Variants in GNRHR observed in about 807,000 individuals in gnomAD.
The protein encoded by GNRHR is gonadotropin-releasing hormone receptor.
Under a neutral mutation model 28.1 loss-of-function variants are expected in GNRHR, and 14 were observed. The ratio of observed to expected loss-of-function variants is 0.50; its 90% CI spans 0.33 to 0.78. GNRHR has a LOEUF of 0.78. Among genes scored for constraint, GNRHR ranks in the 30% least tolerant of loss-of-function variants. The pLI is 0.02. For synonymous variants in GNRHR, 141 were observed against 140.5 expected, an observed-to-expected ratio of 1.00 and a Z score of -0.02; for missense variants, 366 against 382.1, an observed-to-expected ratio of 0.96 and a Z score of 0.35.
Position 67,740,441 on chromosome 4 carries a change from C to A in GNRHR, c.*39G>T. On this transcript the variant is annotated 3_prime_UTR_variant, in exon 3 of 3. Transcript: ENST00000226413. ...ATTCCCAGATGGAGAGATTCATTAC[C>A]TTACCCTTCTTCATATGACTTCTTG... 1 of 1,473,416 alleles carries A rather than the reference C, an allele frequency of 6.8e-7. No homozygotes were observed. The highest frequency in any genetic ancestry group is 1.1e-5 in the South Asian group (1 of 87,750). 91.3% of individuals were successfully genotyped at this position (1,473,416 alleles called of 1,614,324 possible).
intron 1 of GNRHR, among the ~76,000 whole-genome samples, chr4:67,748,602 G>T (rs1358559402): frequency 1.3e-5 from 2 of 151,756 alleles, no homozygotes; most frequent in African/African-American, 4.8e-5. Context: ...GGCAGAGTTG[G>T]GTAGAGTGTA....
Position 67,744,646 on chromosome 4 carries a change from T to A in GNRHR, c.664A>T (p.Ile222Phe), listed in dbSNP as rs751211399. 6.2e-7 allele frequency: 1 copy of A among 1,613,548 alleles called. No individual in the cohort carries two copies. Among genetic ancestry groups the A allele is most frequent in the Non-Finnish European group, 8.5e-7 (1 of 1,179,452 alleles). ...NFFTFSCLFIIPLFIMLICNA... is the reference protein window; with the variant it reads ...NFFTFSCLFIFPLFIMLICNA... Reference sequence around the variant, plus strand: ...CAGATCAGCATGATGAAAAGAGGGATGATGAAGAGGCAGCTGAAGGTGAAA... The same window carrying A: ...CAGATCAGCATGATGAAAAGAGGGAAGATGAAGAGGCAGCTGAAGGTGAAA... Residue 222 changes from isoleucine (I) to phenylalanine (F), a missense_variant, in exon 2 of 3, where the codon ATC (isoleucine) becomes TTC (phenylalanine). Transcript: ENST00000226413.
chr4:67,754,141 C>A lies in GNRHR; in HGVS notation c.195G>T (p.Gln65His). 6.2e-7 allele frequency: 1 copy of A among 1,614,054 alleles called. No individual in the cohort carries two copies. The highest frequency in any genetic ancestry group is 1.1e-5 in the South Asian group (1 of 91,078). ...SFLLKLQKWT[Q>H]KKEKGKKLSR... ...AGAGCTTTTTCCCTTTCTCTTTCTT[C>A]TGTGTCCACTTCTGAAGTTTCAACA... Residue 65 changes from glutamine (Q) to histidine (H), a missense_variant, in exon 1 of 3, where the codon CAG (glutamine) becomes CAT (histidine). Coordinates refer to ENST00000226413, the MANE Select transcript of GNRHR (RefSeq NM_000406.3).
intron 1 of GNRHR, among the ~76,000 whole-genome samples, chr4:67,752,232 G>A (rs943456789): frequency 6.6e-6 from 1 of 150,428 alleles, no homozygotes; most frequent in Admixed American, 6.6e-5. Flanking sequence ...TTTGAGACAG[G>A]TTCTCATTCT....
At chr4:67,748,600 TG>T (rs945250482) in intron 1 of GNRHR, among the ~76,000 whole-genome samples, 50 of 152,112 alleles carry the variant, frequency 3.3e-4, no homozygotes, top group African/African-American at 1.2e-3. Context: ...TGGGCAGAGT[TG>T]GGTAGAGTGT....
chr4:67,750,426 C>T (rs1457588326), intron 1 of GNRHR, among the ~76,000 whole-genome samples: 2 of 152,056 alleles, frequency 1.3e-5, no homozygotes, highest in East Asian at 3.8e-4. Flanking sequence ...TTTTAACAGA[C>T]ACATAATAAT....
At chr4:67,753,650 G>A in intron 1 of GNRHR, 164 bp downstream of exon 1, 1 of 642,500 alleles carries the variant, frequency 1.6e-6, no homozygotes, top group East Asian at 2.7e-5. Flanking sequence ...TAAGAAGTTT[G>A]CCCAAGGTAA....
chr4:67,740,508 G>T lies in GNRHR; in HGVS notation c.959C>A (p.Pro320Gln). 4 of 1,604,774 alleles carry T rather than the reference G, an allele frequency of 2.5e-6. No homozygotes were observed. The South Asian group carries it at 4.4e-5, about 18-fold the overall frequency. Residue 320 changes from proline to glutamine, a missense_variant, in exon 3 of 3, where the codon CCA (proline) becomes CAA (glutamine). Transcript: ENST00000226413. ...CAGAGAAAAATATCCATAGATAAGT[G>T]GATCAAAGCATGGGTTTAAAAAGGC... ...LFAFLNPCFD[P>Q]LIYGYFSL
rs781358925 is a variant in GNRHR, at chr4:67,753,905, G to A, written c.431C>T (p.Thr144Met). ...GTTGCTTTTCAAAGCTAGGGGCCTC[G>A]TGATAGCCAGGGAGCGGTCCAGGCT... ...VISLDRSLAI[T>M]RPLALKSNSK... The change falls in exon 1 of 3, where the codon ACG becomes ATG. Residue 144 changes from threonine (T) to methionine (M), a missense_variant. Physicochemically the swap from Thr to Met is moderately conservative, Grantham distance 81. Coordinates refer to ENST00000226413, the MANE Select transcript of GNRHR (RefSeq NM_000406.3). The A allele has an allele frequency of 9.9e-6, 16 of 1,613,716 alleles. No homozygotes were observed. Among genetic ancestry groups the A allele is most frequent in the Middle Eastern group, 3.3e-4 (2 of 6,080 alleles).
Position 67,740,386 on chromosome 4 carries a change from T to C in GNRHR, c.*94A>G, listed in dbSNP as rs1731634925. 2 of 961,642 alleles carry C rather than the reference T, an allele frequency of 2.1e-6. No individual in the cohort carries two copies. The highest frequency in any genetic ancestry group is 3.4e-6 in the Non-Finnish European group (2 of 595,088). The allele number at this position is 961,642 out of a possible 1,614,324, so 59.6% of individuals were successfully genotyped here. ...AAGTGTAAATCCTACTTTGTTTGTA[T>C]GTAAACATGCTCCAACATTTGTGTT... On this transcript the variant is annotated 3_prime_UTR_variant, in exon 3 of 3. Transcript: ENST00000226413.
chr4:67,746,569 C>A (rs577211103), intron 1 of GNRHR, among the ~76,000 whole-genome samples: 1 of 151,944 alleles, frequency 6.6e-6, no homozygotes, highest in South Asian at 2.1e-4. Flanking sequence ...AAATTGATAG[C>A]AAGTAAATTC....
intron 1 of GNRHR, among the ~76,000 whole-genome samples, chr4:67,750,142 A>T (rs149980382): frequency 9.3e-4 from 141 of 152,312 alleles, no homozygotes; most frequent in African/African-American, 3.3e-3. Flanking sequence ...TAATTTGCTC[A>T]GAGTCACATA....
Position 67,744,622 on chromosome 4 carries a change from A to G in GNRHR, c.688T>C (p.Cys230Arg). 6.2e-7 allele frequency: 1 copy of G among 1,613,560 alleles called. No individual in the cohort carries two copies. Among genetic ancestry groups the G allele is most frequent in the South Asian group, 1.1e-5 (1 of 91,076 alleles). ...AGGGTGAAGATGATTTTTGCATTGC[A>G]GATCAGCATGATGAAAAGAGGGATG... ...FIIPLFIMLI[C>R]NAKIIFTLTR... The change falls in exon 2 of 3, where the codon TGC (cysteine) becomes CGC (arginine). Residue 230 changes from cysteine to arginine, a missense_variant. Cys to Arg is a radical substitution (Grantham distance 180). Transcript: ENST00000226413.
chr4:67,738,626 T>A lies in GNRHR; in HGVS notation c.*1854A>T, dbSNP rs1177149574. ...GAAGTAAGAATTATCAGTTTAGGAATAAGTATATGATAGAGACTTAGAGGA... is the reference window on the plus strand; with the variant it reads ...GAAGTAAGAATTATCAGTTTAGGAAAAAGTATATGATAGAGACTTAGAGGA... On this transcript the variant is annotated 3_prime_UTR_variant, in exon 3 of 3. Coordinates refer to ENST00000226413, the MANE Select transcript of GNRHR (RefSeq NM_000406.3). Among the ~76,000 whole-genome samples the A allele has an allele frequency of 6.6e-6, 1 of 152,016 alleles. No individual in the cohort carries two copies. The highest frequency in any genetic ancestry group is 1.5e-5 in the Non-Finnish European group (1 of 67,892).
At chr4:67,750,962 T>C (rs1297336682) in intron 1 of GNRHR, among the ~76,000 whole-genome samples, 4 of 152,158 alleles carry the variant, frequency 2.6e-5, no homozygotes, top group East Asian at 1.9e-4. Context: ...AGTTATGGGA[T>C]TGAAATTTCT....
intron 1 of GNRHR, among the ~76,000 whole-genome samples, chr4:67,746,902 A>C (rs2109984393): frequency 6.6e-6 from 1 of 152,206 alleles, no homozygotes; most frequent in South Asian, 2.1e-4. Flanking sequence ...GAGGGCGTCT[A>C]ATAATTTTAC....
intron 2 of GNRHR, among the ~76,000 whole-genome samples, chr4:67,741,745 T>TG (rs1731664768): frequency 6.6e-6 from 1 of 152,216 alleles, no homozygotes; most frequent in Non-Finnish European, 1.5e-5. Flanking sequence ...TGGCCATTCT[T>TG]GCAGGAGTGA....
At chr4:67,750,768 G>A (rs2109986420) in intron 1 of GNRHR, among the ~76,000 whole-genome samples, 1 of 152,134 alleles carries the variant, frequency 6.6e-6, no homozygotes, top group East Asian at 1.9e-4. Context: ...TGCACCAAAG[G>A]ATGAAAATTA....
At chr4:67,751,782 A>G (rs1354566994) in intron 1 of GNRHR, 1 of 152,192 alleles carries the variant, frequency 6.6e-6, no homozygotes, top group Admixed American at 6.5e-5. Flanking sequence ...TTTAATCTAC[A>G]TCAGCACCTC....
Sources: allele counts gnomAD v4.1 joint callset (sites outside exome capture counted in the v4.1 genomes callset), GRCh38; gene constraint gnomAD v4.1.1; transcripts MANE v1.5; gene names NCBI Gene and HGNC (gene_info 2026-07-23, HGNC 2026-07-21).